Variants in TNS3 observed in about 807,000 individuals in gnomAD.
TNS3 encodes tensin 3.
TNS3 carries 45 observed loss-of-function variants against 140.9 expected under a neutral mutation model. The observed-to-expected ratio is 0.32, with a 90% confidence interval of 0.25 to 0.41. TNS3 has a LOEUF of 0.41. TNS3 is among the 10% of genes least tolerant of loss of function. The pLI is 1.00. For missense variants in TNS3, 1,716 were observed against 1,906.7 expected, an observed-to-expected ratio of 0.90 and a Z score of 1.86; for synonymous variants, 815 against 788.4, an observed-to-expected ratio of 1.03 and a Z score of -0.56.
chr7:47,403,115 G>A (rs1234802023), intron 13 of TNS3, among the ~76,000 whole-genome samples: 2 of 152,084 alleles, frequency 1.3e-5, no homozygotes, highest in African/African-American at 2.4e-5. Context: ...CGTCAGTACC[G>A]CCCCGCCCAG....
At chr7:47,355,993 G>A (rs1277534685) in intron 17 of TNS3, among the ~76,000 whole-genome samples, 1 of 152,148 alleles carries the variant, frequency 6.6e-6, no homozygotes, top group Non-Finnish European at 1.5e-5. Context: ...CTCTGCCCTG[G>A]TGAAATAAAG....
At chr7:47,412,090 G>A (rs1221280010) in intron 12 of TNS3, among the ~76,000 whole-genome samples, 2 of 152,144 alleles carry the variant, frequency 1.3e-5, no homozygotes, top group Middle Eastern at 3.2e-3. Context: ...TTAGAGGAAG[G>A]GGCCCAGGGT....
intron 1 of TNS3, among the ~76,000 whole-genome samples, chr7:47,532,885 T>A (rs1411144399): frequency 6.6e-6 from 1 of 151,958 alleles, no homozygotes; most frequent in Non-Finnish European, 1.5e-5. Flanking sequence ...TCATGAATTA[T>A]AGGTAATAAG....
At chr7:47,328,182 G>A (rs541114080) in intron 20 of TNS3, among the ~76,000 whole-genome samples, 187 of 152,208 alleles carry the variant, frequency 1.2e-3, no homozygotes, top group African/African-American at 4.1e-3. Context: ...AGGGGGCGGG[G>A]CGGCCACCTC....
At chr7:47,537,966 A>ACCCCC (rs113842617) in intron 1 of TNS3, among the ~76,000 whole-genome samples, 12 of 126,116 alleles carry the variant, frequency 9.5e-5, no homozygotes, top group African/African-American at 1.2e-4. Flanking sequence ...CCCTCACCGC[A>ACCCCC]CCCCCCCCAC....
chr7:47,361,206 C>CAAAAAAAAAAAAAAAAAAGAAAAA (rs56823708), intron 17 of TNS3, among the ~76,000 whole-genome samples: 1 of 47,154 alleles, frequency 2.1e-5, no homozygotes, highest in Non-Finnish European at 4.6e-5. Flanking sequence ...GTAACCATGC[C>CAAAAAAAAAAAAAAAAAAGAAAAA]AAAAAAAAAA....
intron 1 of TNS3, among the ~76,000 whole-genome samples, chr7:47,574,677 A>G (rs968269435): frequency 6.6e-6 from 1 of 152,098 alleles, no homozygotes; most frequent in Non-Finnish European, 1.5e-5. Flanking sequence ...ATTCAGCCTT[A>G]AAAAGAGAGA....
At chr7:47,534,294 T>C (rs2151951088) in intron 1 of TNS3, among the ~76,000 whole-genome samples, 1 of 151,404 alleles carries the variant, frequency 6.6e-6, no homozygotes, top group South Asian at 2.1e-4. Context: ...AAAAAATAAA[T>C]AAAGTAGGGG....
chr7:47,323,660 T>C (rs1234809857), intron 20 of TNS3, among the ~76,000 whole-genome samples: 1 of 152,236 alleles, frequency 6.6e-6, no homozygotes, highest in African/African-American at 2.4e-5. Context: ...ACGGATAAGA[T>C]ACTTCCAACA....
At chr7:47,411,613 G>C in intron 13 of TNS3, 114 bp downstream of exon 13, 1 of 1,109,526 alleles carries the variant, frequency 9.0e-7, no homozygotes, top group Admixed American at 2.4e-5. Flanking sequence ...TCTTCCTACA[G>C]GGTACTTTTT....
At chr7:47,316,314 C>A (rs1787408732) in intron 20 of TNS3, among the ~76,000 whole-genome samples, 1 of 152,144 alleles carries the variant, frequency 6.6e-6, no homozygotes, top group South Asian at 2.1e-4. Flanking sequence ...AGAGAAACAG[C>A]TCAGATCTCC....
chr7:47,370,684 C>T (rs563341280), intron 16 of TNS3, among the ~76,000 whole-genome samples: 27 of 152,264 alleles, frequency 1.8e-4, no homozygotes, highest in Non-Finnish European at 2.5e-4. Context: ...TGCCTCACCC[C>T]ATGGGCCTCC....
At chr7:47,550,687 G>A (rs758971001) in intron 1 of TNS3, among the ~76,000 whole-genome samples, 27 of 152,154 alleles carry the variant, frequency 1.8e-4, no homozygotes, top group South Asian at 4.1e-4. Context: ...TACGTGGAAG[G>A]GCAGGGTACA....
chr7:47,516,732 T>A (rs1368536792), intron 2 of TNS3, among the ~76,000 whole-genome samples: 3 of 152,202 alleles, frequency 2.0e-5, no homozygotes, highest in Non-Finnish European at 4.4e-5. Context: ...CTAAAATGAT[T>A]TCCTGTGAAG....
intron 22 of TNS3, among the ~76,000 whole-genome samples, chr7:47,302,643 G>C (rs932658333): frequency 6.6e-6 from 1 of 152,194 alleles, no homozygotes; most frequent in African/African-American, 2.4e-5. Flanking sequence ...CAAGGAATTT[G>C]TTATTTACAA....
intron 2 of TNS3, among the ~76,000 whole-genome samples, chr7:47,524,427 A>T (rs530910405): frequency 4.6e-5 from 7 of 152,182 alleles, no homozygotes; most frequent in Non-Finnish European, 1.0e-4. Flanking sequence ...CAGAGCCACG[A>T]ACAGGGACAC....
intron 17 of TNS3, among the ~76,000 whole-genome samples, chr7:47,366,171 CT>C (rs1393602569): frequency 6.6e-6 from 1 of 152,150 alleles, no homozygotes; most frequent in African/African-American, 2.4e-5. Flanking sequence ...CCATTAGAGC[CT>C]TTTTAGTAAA....
intron 20 of TNS3, among the ~76,000 whole-genome samples, chr7:47,309,228 C>T (rs944799279): frequency 6.6e-6 from 1 of 152,114 alleles, no homozygotes; most frequent in African/African-American, 2.4e-5. Context: ...TAAATCAAGT[C>T]TCTGTTACTC....
chr7:47,466,776 T>TAGGAGTTTGGA (rs1796736063), intron 4 of TNS3, among the ~76,000 whole-genome samples: 2 of 152,200 alleles, frequency 1.3e-5, no homozygotes. Context: ...AGTCATTTAT[T>TAGGAGTTTGGA]AGGAGTTTGG....
Sources: gnomAD v4.1 joint callset for allele counts (sites outside exome capture counted in the v4.1 genomes callset) on GRCh38, gnomAD v4.1.1 for gene constraint, MANE v1.5 for transcripts, NCBI Gene and HGNC (gene_info 2026-07-23, HGNC 2026-07-21) for gene names.